Variants in STOX1 observed in about 807,000 individuals in gnomAD.
The protein encoded by STOX1 is storkhead-box protein 1.
STOX1 carries 57 observed loss-of-function variants against 74.8 expected under a neutral mutation model. The observed-to-expected ratio is 0.76, with a 90% CI of 0.62 to 0.95. The LOEUF is 0.95. STOX1 is among the 40% of genes least tolerant of loss of function. The pLI is 0.00. For synonymous variants in STOX1, 375 were observed against 401.3 expected (o/e 0.93, Z 0.78); for missense variants, 1,010 against 1,117.0 (o/e 0.90, Z 1.37).
chr10:68,871,711 G>T (rs1208066928), intron 1 of STOX1, among the ~76,000 whole-genome samples: 1 of 152,216 alleles, frequency 6.6e-6, no homozygotes, highest in African/African-American at 2.4e-5. Flanking sequence ...ATAAAAGGGA[G>T]ATGTGGAGAG....
chr10:68,859,393 A>G (rs1185884494), intron 1 of STOX1, among the ~76,000 whole-genome samples: 1 of 152,108 alleles, frequency 6.6e-6, no homozygotes, highest in Non-Finnish European at 1.5e-5. Flanking sequence ...TCTTATCAGT[A>G]TGAATTAAAA....
At chr10:68,843,650 C>T (rs1261547322) in intron 1 of STOX1, among the ~76,000 whole-genome samples, 3 of 152,014 alleles carry the variant, frequency 2.0e-5, no homozygotes, top group Non-Finnish European at 4.4e-5. Flanking sequence ...CTCTGCCTTC[C>T]GGGTTCAAGC....
intron 3 of STOX1, among the ~76,000 whole-genome samples, chr10:68,890,627 T>C (rs1006376059): frequency 1.3e-5 from 2 of 151,752 alleles, no homozygotes; most frequent in Non-Finnish European, 2.9e-5. Flanking sequence ...ATTACTTCTT[T>C]ATTGGGGGTG....
chr10:68,864,298 C>G (rs1322318633), intron 1 of STOX1, among the ~76,000 whole-genome samples: 1 of 152,164 alleles, frequency 6.6e-6, no homozygotes, highest in Non-Finnish European at 1.5e-5. Flanking sequence ...GAGGCTTTAC[C>G]ATTACTAGAC....
At chr10:68,886,646 A>C (rs765880570) in intron 3 of STOX1, 28 bp downstream of exon 3, 1 of 1,608,106 alleles carries the variant, frequency 6.2e-7, no homozygotes. Flanking sequence ...TGTCTGATTT[A>C]GGCCGGGCGC....
chr10:68,888,452 A>G (rs1461966510), intron 3 of STOX1, among the ~76,000 whole-genome samples: 1 of 152,078 alleles, frequency 6.6e-6, no homozygotes, highest in Non-Finnish European at 1.5e-5. Flanking sequence ...TTGTTTCTGT[A>G]TAACACTTCA....
intron 3 of STOX1, among the ~76,000 whole-genome samples, chr10:68,888,055 A>T (rs1841005986): frequency 6.6e-6 from 1 of 150,922 alleles, no homozygotes; most frequent in South Asian, 2.1e-4. Flanking sequence ...ACCTATACTT[A>T]TTCTAACACA....
Position 68,885,294 on chromosome 10 carries a change from T to C in STOX1, c.1498T>C (p.Leu500=). The C allele has an allele frequency of 1.2e-6, 2 of 1,614,212 alleles. No individual in the cohort carries two copies. Among genetic ancestry groups the C allele is most frequent in the Non-Finnish European group, 1.7e-6 (2 of 1,180,040 alleles). ...GCGAATCAGTAATCCTTTCCAGGGT[T>C]TGTCTCACCGAGGAAGCACAATATC... ...KKRISNPFQG[L]SHRGSTISKG... is the part of the protein sequence containing the mutation. Residue 500 remains leucine (L), a synonymous_variant, in exon 3 of 4, where the codon TTG becomes CTG. Coordinates refer to ENST00000298596, the MANE Select transcript of STOX1 (RefSeq NM_152709.5).
intron 1 of STOX1, among the ~76,000 whole-genome samples, chr10:68,868,253 G>C (rs1193470608): frequency 6.6e-6 from 1 of 152,236 alleles, no homozygotes; most frequent in Non-Finnish European, 1.5e-5. Flanking sequence ...GCCTCGAACA[G>C]AGTTTGACCC....
chr10:68,842,448 CTCTTAATTTA>C (rs1839716273), intron 1 of STOX1, among the ~76,000 whole-genome samples: 1 of 151,428 alleles, frequency 6.6e-6, no homozygotes, highest in South Asian at 2.1e-4. Flanking sequence ...ACTCTTTTTT[CTCTTAATTTA>C]TCTTTTGAGG....
intron 1 of STOX1, among the ~76,000 whole-genome samples, chr10:68,875,118 C>A (rs1027853572): frequency 6.6e-6 from 1 of 152,186 alleles, no homozygotes. Flanking sequence ...CTATTTGAAG[C>A]CTGGCATTGT....
intron 3 of STOX1, among the ~76,000 whole-genome samples, chr10:68,887,351 C>T (rs952996747): frequency 6.6e-6 from 1 of 152,212 alleles, no homozygotes; most frequent in Non-Finnish European, 1.5e-5. Context: ...GGCGTGATCT[C>T]GGCTCACCAC....
At chr10:68,888,627 A>ATTTTTTT (rs747038041) in intron 3 of STOX1, among the ~76,000 whole-genome samples, 41 of 107,814 alleles carry the variant, frequency 3.8e-4, no homozygotes, top group African/African-American at 9.6e-4. Flanking sequence ...CTTTGCCAGT[A>ATTTTTTT]TTTTTTTTTT....
intron 1 of STOX1, among the ~76,000 whole-genome samples, chr10:68,851,970 C>CT (rs547166227): frequency 1.6e-4 from 24 of 152,124 alleles, no homozygotes; most frequent in East Asian, 1.4e-3. Flanking sequence ...CCCATTTCTA[C>CT]TAAAAATACA....
chr10:68,867,961 G>A (rs532693473), intron 1 of STOX1, among the ~76,000 whole-genome samples: 3 of 151,546 alleles, frequency 2.0e-5, no homozygotes, highest in Non-Finnish European at 2.9e-5. Context: ...ATGCCTGTTC[G>A]ACCCTTGTCT....
intron 1 of STOX1, chr10:68,846,666 G>A (rs1839865533): frequency 6.6e-6 from 1 of 152,166 alleles, no homozygotes; most frequent in African/African-American, 2.4e-5. Context: ...CTGTATAGAA[G>A]TCAGATATTC....
chr10:68,878,406 G>T (rs961365407), intron 1 of STOX1, among the ~76,000 whole-genome samples: 43 of 152,134 alleles, frequency 2.8e-4, no homozygotes, highest in African/African-American at 9.9e-4. Context: ...GTAAATTAAT[G>T]CCCCGCTTGG....
Position 68,884,984 on chromosome 10 carries a change from C to T in STOX1, c.1188C>T (p.Ser396=), listed in dbSNP as rs775671067. ...EQKKYNSQGT[S]TDMLTIGHKY... ...AAAAATATAATAGCCAGGGCACTTC[C>T]ACTGACATGCTGACAATCGGGCATA... is the stretch of plus-strand genomic sequence containing the variant. Residue 396 remains serine (S), a synonymous_variant, in exon 3 of 4, where the codon TCC becomes TCT. Coordinates refer to ENST00000298596, the MANE Select transcript of STOX1 (RefSeq NM_152709.5). The T allele has an allele frequency of 6.2e-7, 1 of 1,614,140 alleles. No individual in the cohort carries two copies. The highest frequency in any genetic ancestry group is 1.7e-5 in the Admixed American group (1 of 60,020).
chr10:68,832,621 G>A (rs988750752), intron 1 of STOX1, among the ~76,000 whole-genome samples: 1 of 150,734 alleles, frequency 6.6e-6, no homozygotes. Context: ...TGGAGATTGT[G>A]CCACTGCATT....
Sources: allele counts gnomAD v4.1 joint callset (sites outside exome capture counted in the v4.1 genomes callset), GRCh38; gene constraint gnomAD v4.1.1; transcripts MANE v1.5; gene names NCBI Gene and HGNC (gene_info 2026-07-23, HGNC 2026-07-21).